Variants in SLC39A11 observed in about 807,000 individuals in gnomAD.
The protein encoded by SLC39A11 is solute carrier family 39 member 11, also known as zinc transporter ZIP11.
A neutral mutation model predicts 36.1 loss-of-function variants in SLC39A11; 33 were observed. The observed-to-expected ratio is 0.91, with a 90% CI of 0.69 to 1.22. The LOEUF (loss-of-function observed/expected upper bound fraction) is 1.22. Among genes scored for constraint, SLC39A11 ranks in the 50% most tolerant of loss-of-function variants. The pLI is 0.00. For missense variants in SLC39A11, 432 were observed against 430.3 expected (o/e 1.00, Z -0.03); for synonymous variants, 166 against 170.3 (o/e 0.97, Z 0.20).
Position 72,949,144 on chromosome 17 carries a change from CTTTTTTTTTTTTTTTTT to C in SLC39A11, c.307-1286_307-1270del, listed in dbSNP as rs56036208. ...AAATAAAATACCATACACTGGGCAGCTTTTTTTTTTTTTTTTTTTTTTTTTTTTTTTTTGAGACAGAG... is the reference window on the plus strand; with the variant it reads ...AAATAAAATACCATACACTGGGCAGCTTTTTTTTTTTTTTTTGAGACAGAG... On this transcript the variant is annotated intron_variant, in intron 4 of 9. Transcript: ENST00000255559. Among the ~76,000 whole-genome samples, 9 of 36,510 alleles carry C rather than the reference CTTTTTTTTTTTTTTTTT, an allele frequency of 2.5e-4. No homozygotes were observed. The East Asian group carries it at 3.5e-3, about 14-fold the overall frequency. The allele number at this position is 36,510 out of a possible 152,430, so 24.0% of individuals were successfully genotyped here.
intron 6 of SLC39A11, among the ~76,000 whole-genome samples, chr17:72,828,821 T>C (rs2078143118): frequency 6.6e-6 from 1 of 151,970 alleles, no homozygotes; most frequent in East Asian, 1.9e-4. Flanking sequence ...CGCTCCACTG[T>C]CTCCTCCAAA....
At chr17:72,844,871 C>T (rs918587586) in intron 6 of SLC39A11, among the ~76,000 whole-genome samples, 1 of 152,198 alleles carries the variant, frequency 6.6e-6, no homozygotes, top group Non-Finnish European at 1.5e-5. Flanking sequence ...GGAGCTGCAG[C>T]CTTCCTCGTC....
At chr17:72,703,040 A>T (rs1027113306) in intron 7 of SLC39A11, among the ~76,000 whole-genome samples, 1 of 151,718 alleles carries the variant, frequency 6.6e-6, no homozygotes, top group Non-Finnish European at 1.5e-5. Flanking sequence ...GGGCTGCCTG[A>T]TCTCCTAAGC....
chr17:72,872,115 G>A (rs1173626813), intron 5 of SLC39A11, among the ~76,000 whole-genome samples: 1 of 152,222 alleles, frequency 6.6e-6, no homozygotes, highest in Non-Finnish European at 1.5e-5. Flanking sequence ...AGAGAGTAAT[G>A]TCTATGATGG....
intron 3 of SLC39A11, among the ~76,000 whole-genome samples, chr17:73,080,635 A>G (rs1666024103): frequency 2.0e-5 from 3 of 152,156 alleles, no homozygotes; most frequent in Admixed American, 2.0e-4. Context: ...ATAAACAGAT[A>G]AGACTTTTAA....
chr17:72,933,737 C>G (rs1336980886), intron 5 of SLC39A11, among the ~76,000 whole-genome samples: 1 of 152,172 alleles, frequency 6.6e-6, no homozygotes, highest in Non-Finnish European at 1.5e-5. Flanking sequence ...CCAGGCTGGT[C>G]TCAAACTCCT....
At chr17:72,733,380 G>A (rs2074304384) in intron 7 of SLC39A11, among the ~76,000 whole-genome samples, 1 of 152,146 alleles carries the variant, frequency 6.6e-6, no homozygotes, top group African/African-American at 2.4e-5. Flanking sequence ...TACAAATTGT[G>A]TTTTCTGCAA....
chr17:72,910,796 A>G (rs1046629822), intron 5 of SLC39A11, among the ~76,000 whole-genome samples: 6 of 151,446 alleles, frequency 4.0e-5, no homozygotes, highest in Non-Finnish European at 5.9e-5. Flanking sequence ...GCGTGATGGC[A>G]GGCACCTTTA....
intron 6 of SLC39A11, among the ~76,000 whole-genome samples, chr17:72,748,986 G>A (rs1366540430): frequency 6.6e-6 from 1 of 152,214 alleles, no homozygotes; most frequent in Non-Finnish European, 1.5e-5. Context: ...AGCACACACA[G>A]TTGTTGGTTT....
intron 6 of SLC39A11, among the ~76,000 whole-genome samples, chr17:72,761,003 T>C (rs1239931785): frequency 1.3e-5 from 2 of 152,108 alleles, no homozygotes; most frequent in South Asian, 2.1e-4. Context: ...CATCACCTGT[T>C]CCCCAGGACT....
intron 7 of SLC39A11, among the ~76,000 whole-genome samples, chr17:72,703,694 T>G (rs2072756740): frequency 6.6e-6 from 1 of 152,220 alleles, no homozygotes; most frequent in African/African-American, 2.4e-5. Flanking sequence ...CAAGATCAAC[T>G]CAGAGTTTTC....
chr17:72,827,041 G>A (rs2078058283), intron 6 of SLC39A11, among the ~76,000 whole-genome samples: 1 of 152,146 alleles, frequency 6.6e-6, no homozygotes, highest in Non-Finnish European at 1.5e-5. Context: ...ACAAAAACTT[G>A]TACATGAAAG....
At chr17:72,838,401 T>C (rs1363554718) in intron 6 of SLC39A11, among the ~76,000 whole-genome samples, 3 of 151,922 alleles carry the variant, frequency 2.0e-5, no homozygotes, top group Admixed American at 1.3e-4. Context: ...GCTAGTTTTT[T>C]AATTTTTCGT....
intron 6 of SLC39A11, among the ~76,000 whole-genome samples, chr17:72,746,560 A>T (rs1422110144): frequency 6.6e-6 from 1 of 152,062 alleles, no homozygotes; most frequent in Non-Finnish European, 1.5e-5. Flanking sequence ...ACCACAGTGA[A>T]ACCCCATCTC....
chr17:72,809,162 T>C (rs1190580372), intron 6 of SLC39A11, among the ~76,000 whole-genome samples: 1 of 151,910 alleles, frequency 6.6e-6, no homozygotes, highest in African/African-American at 2.4e-5. Flanking sequence ...GGTTTCACTA[T>C]TCCCAATTTC....
At chr17:72,696,674 C>A (rs1164069018) in intron 7 of SLC39A11, among the ~76,000 whole-genome samples, 1 of 152,218 alleles carries the variant, frequency 6.6e-6, no homozygotes, top group Non-Finnish European at 1.5e-5. Flanking sequence ...CCACACCCCA[C>A]CAGGGAACTT....
intron 6 of SLC39A11, among the ~76,000 whole-genome samples, chr17:72,760,352 G>A (rs931358714): frequency 6.6e-6 from 1 of 152,220 alleles, no homozygotes; most frequent in Non-Finnish European, 1.5e-5. Flanking sequence ...TTTAGCATAG[G>A]CTATTTAGAA....
intron 5 of SLC39A11, among the ~76,000 whole-genome samples, chr17:72,926,218 A>T (rs2084039934): frequency 6.6e-6 from 1 of 152,242 alleles, no homozygotes; most frequent in South Asian, 2.1e-4. Flanking sequence ...AAAAAATCAA[A>T]TCATAATTTC....
intron 4 of SLC39A11, among the ~76,000 whole-genome samples, chr17:73,022,356 G>A (rs1462298560): frequency 1.3e-5 from 2 of 152,084 alleles, no homozygotes; most frequent in African/African-American, 2.4e-5. Context: ...GCACTTTGAG[G>A]GGCCAAGGCG....
Sources: allele counts gnomAD v4.1 joint callset (sites outside exome capture counted in the v4.1 genomes callset), GRCh38; gene constraint gnomAD v4.1.1; transcripts MANE v1.5; gene names NCBI Gene and HGNC (gene_info 2026-07-23, HGNC 2026-07-21).